GABRA3: variants seen among roughly 807,000 people sequenced by gnomAD.
GABRA3 encodes the protein gamma-aminobutyric acid receptor subunit alpha-3.
GABRA3 carries 10 observed loss-of-function variants against 30.1 expected under a neutral mutation model. That is an observed-to-expected ratio of 0.33 (90% CI 0.20 to 0.56). The LOEUF is 0.56. Among genes scored for constraint, GABRA3 ranks in the 20% least tolerant of loss-of-function variants. The pLI, the probability that GABRA3 is intolerant of heterozygous loss-of-function variation, is 0.89. For synonymous variants in GABRA3, 151 were observed against 146.8 expected (o/e 1.03, Z -0.21); for missense variants, 233 against 392.0 (o/e 0.59, Z 3.42).
At chrX:152,353,714 T>G (rs1207725108) in intron 2 of GABRA3, among the ~76,000 whole-genome samples, 3 of 111,897 alleles carry the variant, frequency 2.7e-5, no homozygotes, top group African/African-American at 9.7e-5. Flanking sequence ...AGCAATGAGC[T>G]GGCCATCAGC....
intron 1 of GABRA3, among the ~76,000 whole-genome samples, chrX:152,388,433 T>C (rs1929386112): frequency 9.0e-6 from 1 of 111,567 alleles, no homozygotes; most frequent in Non-Finnish European, 1.9e-5. Context: ...TAATAATCAG[T>C]AGCCAACTAT....
At chrX:152,414,943 T>C (rs949923262) in intron 1 of GABRA3, among the ~76,000 whole-genome samples, 2 of 108,486 alleles carry the variant, frequency 1.8e-5, no homozygotes, top group African/African-American at 6.7e-5. Context: ...GACTGTATAG[T>C]GCTAATTATG....
At chrX:152,260,754 T>A (rs1435397671) in intron 4 of GABRA3, among the ~76,000 whole-genome samples, 3 of 110,999 alleles carry the variant, frequency 2.7e-5, no homozygotes, top group Non-Finnish European at 5.7e-5. Context: ...CAGAAAGCCT[T>A]CCCAAAAAGG....
intron 1 of GABRA3, among the ~76,000 whole-genome samples, chrX:152,384,205 C>G (rs192851500): frequency 7.1e-4 from 79 of 111,007 alleles, no homozygotes; most frequent in African/African-American, 2.4e-3. Context: ...CTATAGAACA[C>G]TGATTAAAGA....
intron 7 of GABRA3, among the ~76,000 whole-genome samples, chrX:152,200,090 G>C (rs965159491): frequency 1.8e-5 from 2 of 111,855 alleles, no homozygotes; most frequent in Non-Finnish European, 3.8e-5. Context: ...ACGTAAGTCA[G>C]ATCTTGTCTG....
intron 6 of GABRA3, among the ~76,000 whole-genome samples, chrX:152,221,049 C>T (rs1937826365): frequency 9.0e-6 from 1 of 110,833 alleles, no homozygotes; most frequent in Admixed American, 9.6e-5. Flanking sequence ...CTCTCTGTGG[C>T]TTCTACTCAC....
At chrX:152,333,894 T>A (rs1287572824) in intron 3 of GABRA3, among the ~76,000 whole-genome samples, 1 of 111,645 alleles carries the variant, frequency 9.0e-6, no homozygotes, top group African/African-American at 3.2e-5. Context: ...CAGAAAATGA[T>A]AAGCGGATTA....
At chrX:152,445,107 A>G (rs916008641) in intron 1 of GABRA3, among the ~76,000 whole-genome samples, 1 of 108,261 alleles carries the variant, frequency 9.2e-6, no homozygotes, top group Non-Finnish European at 1.9e-5. Context: ...TTTTTAAGAA[A>G]TCAGTTTTTA....
intron 9 of GABRA3, among the ~76,000 whole-genome samples, chrX:152,169,313 G>A (rs1049327659): frequency 1.3e-4 from 15 of 112,161 alleles, no homozygotes; most frequent in African/African-American, 4.5e-4. Context: ...GCTCAGGAGC[G>A]GGCCAAGGCT....
chrX:152,438,089 A>G (rs1292700949), intron 1 of GABRA3, among the ~76,000 whole-genome samples: 1 of 112,184 alleles, frequency 8.9e-6, no homozygotes, highest in African/African-American at 3.2e-5. Flanking sequence ...CTTATATTGA[A>G]AATATATAAA....
At chrX:152,426,138 A>C (rs1445490684) in intron 1 of GABRA3, among the ~76,000 whole-genome samples, 1 of 111,503 alleles carries the variant, frequency 9.0e-6, no homozygotes, top group Non-Finnish European at 1.9e-5. Flanking sequence ...CTTAACTCAG[A>C]ATCTGGCATT....
chrX:152,403,564 G>A (rs1243431081), intron 1 of GABRA3, among the ~76,000 whole-genome samples: 2 of 38,874 alleles, frequency 5.1e-5, no homozygotes, highest in East Asian at 9.2e-4. Context: ...GTGTGTATGT[G>A]CACACGTGTG....
chrX:152,293,995 C>T (rs369624963), intron 3 of GABRA3, among the ~76,000 whole-genome samples: 2 of 111,828 alleles, frequency 1.8e-5, no homozygotes, highest in East Asian at 2.8e-4. Context: ...CCAAGAGATC[C>T]GCTGTTAGTC....
chrX:152,190,297 T>C (rs1937306897), intron 8 of GABRA3, among the ~76,000 whole-genome samples: 1 of 110,297 alleles, frequency 9.1e-6, no homozygotes, highest in Admixed American at 9.7e-5. Flanking sequence ...ATCTGGCTTC[T>C]TCTAGCTACT....
At chrX:152,431,421 T>C (rs373880638) in intron 1 of GABRA3, among the ~76,000 whole-genome samples, 12 of 112,392 alleles carry the variant, frequency 1.1e-4, no homozygotes, top group African/African-American at 3.9e-4. Context: ...TAGTGATAAG[T>C]AGTACATAAA....
intron 9 of GABRA3, among the ~76,000 whole-genome samples, chrX:152,172,337 T>G (rs1158125076): frequency 1.8e-5 from 2 of 111,703 alleles, no homozygotes; most frequent in Non-Finnish European, 3.8e-5. Flanking sequence ...GAAACCCTTG[T>G]GCACTATTGG....
Position 152,388,371 on chromosome X carries a change from T to C in GABRA3, c.-26-23775A>G, listed in dbSNP as rs1327383561. 2.7e-5 allele frequency among the ~76,000 whole-genome samples: 3 copies of C among 111,446 alleles called. No homozygotes were observed. In the Admixed American group the frequency reaches 2.9e-4, roughly 11 times the overall value. On this transcript the variant is annotated intron_variant, in intron 1 of 9. Transcript: ENST00000370314. The stretch of plus-strand genomic sequence containing the variant: ...ATGTATGATCATCAAAGTGGACAAA[T>C]AAACATTCTTAAGAGCATTACCATT...
At chrX:152,216,838 G>A (rs1173110090) in intron 6 of GABRA3, among the ~76,000 whole-genome samples, 3 of 110,354 alleles carry the variant, frequency 2.7e-5, no homozygotes, top group South Asian at 3.8e-4. Flanking sequence ...ACAAATACAC[G>A]ATAAATATTT....
chrX:152,368,939 T>TCA (rs1928747388), intron 1 of GABRA3, among the ~76,000 whole-genome samples: 2 of 111,200 alleles, frequency 1.8e-5, no homozygotes, highest in African/African-American at 6.5e-5. Context: ...TCTCCTGACC[T>TCA]TGTGATCCGC....
Sources: gnomAD v4.1 joint callset for allele counts (sites outside exome capture counted in the v4.1 genomes callset) on GRCh38, gnomAD v4.1.1 for gene constraint, MANE v1.5 for transcripts, NCBI Gene and HGNC (gene_info 2026-07-23, HGNC 2026-07-21) for gene names.